The following TBL1Y variants were observed in gnomAD, a reference collection of about 807,000 sequenced individuals.
TBL1Y encodes the protein F-box-like/WD repeat-containing protein TBL1Y.
Under a neutral mutation model 12.0 loss-of-function variants are expected in TBL1Y, and 15 were observed. The observed-to-expected ratio is 1.25, with a 90% CI of 0.83 to 1.92. The LOEUF (loss-of-function observed/expected upper bound fraction) is 1.92. TBL1Y is among the 40% of genes most tolerant of loss of function. The pLI is 0.00. For missense variants in TBL1Y, 148 were observed against 116.7 expected, an observed-to-expected ratio of 1.27 and a Z score of -1.24; for synonymous variants, 53 against 42.6, an observed-to-expected ratio of 1.24 and a Z score of -0.95.
chrY:7,064,643 G>A, intron 8 of TBL1Y, among the ~76,000 whole-genome samples: 1 of 33,683 alleles, frequency 3.0e-5, no homozygotes, highest in African/African-American at 1.2e-4. Flanking sequence ...TGGTAAGTCA[G>A]TGAGTCTGAA....
intron 2 of TBL1Y, among the ~76,000 whole-genome samples, chrY:6,925,683 T>C (rs1461631738): frequency 1.2e-4 from 4 of 33,941 alleles, no homozygotes; most frequent in Non-Finnish European, 2.9e-4. Flanking sequence ...TCCAAAGTGC[T>C]GGGATTACAG....
At chrY:6,993,369 C>CT (rs2012386689) in intron 3 of TBL1Y, among the ~76,000 whole-genome samples, 1 of 29,880 alleles carries the variant, frequency 3.3e-5, no homozygotes, top group African/African-American at 1.3e-4. Flanking sequence ...AGAAGCCCTT[C>CT]TTTTTTAAAA....
At chrY:7,020,668 C>T (rs752565158) in intron 4 of TBL1Y, among the ~76,000 whole-genome samples, 1 of 33,469 alleles carries the variant, frequency 3.0e-5, no homozygotes, top group Admixed American at 2.8e-4. Context: ...TATGAGAAAG[C>T]TGGTAAATAT....
At chrY:6,925,192 A>G (rs2011817875) in intron 2 of TBL1Y, among the ~76,000 whole-genome samples, 1 of 33,794 alleles carries the variant, frequency 3.0e-5, no homozygotes, top group Non-Finnish European at 7.3e-5. Context: ...GCAGTACATG[A>G]CAGAAATTAT....
chrY:6,948,505 G>GA (rs2012000108), intron 2 of TBL1Y, among the ~76,000 whole-genome samples: 11 of 8,289 alleles, frequency 1.3e-3, no homozygotes, highest in South Asian at 3.1e-3. Context: ...CATCTCTACT[G>GA]AAAAAAAAAA....
intron 13 of TBL1Y, among the ~76,000 whole-genome samples, chrY:7,076,364 G>C (rs771961914): frequency 3.0e-5 from 1 of 33,300 alleles, no homozygotes; most frequent in African/African-American, 1.2e-4. Flanking sequence ...TGCATGTTCT[G>C]AATTGCATGA....
intron 2 of TBL1Y, among the ~76,000 whole-genome samples, chrY:6,961,132 C>T (rs764015736): frequency 6.0e-5 from 2 of 33,120 alleles, no homozygotes; most frequent in Admixed American, 2.8e-4. Context: ...AGTGAGTGCC[C>T]GAATTAAGGG....
chrY:6,956,417 C>T (rs570692222), intron 2 of TBL1Y, among the ~76,000 whole-genome samples: 4 of 33,326 alleles, frequency 1.2e-4, no homozygotes, highest in African/African-American at 4.7e-4. Flanking sequence ...TTTCCTTGCT[C>T]TACTGCTGAG....
chrY:6,981,940 G>A lies in TBL1Y; in HGVS notation c.-235+3697G>A, dbSNP rs1569364373. 9.0e-5 allele frequency among the ~76,000 whole-genome samples: 3 copies of A among 33,336 alleles called. No homozygotes were observed. In the East Asian group the frequency reaches 2.3e-3, roughly 26 times the overall value. 89.4% of individuals were successfully genotyped at this position (33,336 alleles called of 37,273 possible). On this transcript the variant is annotated intron_variant, in intron 3 of 18. Transcript: ENST00000383032. ...AAAGAAATGATTACTGCTCAGTAGT[G>A]CCCATTTATAATATTGTGAAAATAC...
intron 2 of TBL1Y, among the ~76,000 whole-genome samples, chrY:6,974,563 T>C: frequency 2.0e-4 from 7 of 34,539 alleles, no homozygotes; most frequent in Admixed American, 1.1e-3. Context: ...GTGTGATTAA[T>C]AGAAACATAT....
At chrY:7,085,126 A>C (rs558470886) in intron 14 of TBL1Y, among the ~76,000 whole-genome samples, 399 of 28,832 alleles carry the variant, frequency 0.014, no homozygotes, top group Admixed American at 0.11. Context: ...CTGGGAGTTC[A>C]AGATCACCTT....
intron 2 of TBL1Y, among the ~76,000 whole-genome samples, chrY:6,945,352 C>T: frequency 2.3e-4 from 7 of 30,268 alleles, no homozygotes; most frequent in African/African-American, 7.9e-4. Flanking sequence ...CTTTGCCACC[C>T]GACCATTTGC....
intron 6 of TBL1Y, among the ~76,000 whole-genome samples, chrY:7,041,528 T>A: frequency 3.0e-5 from 1 of 33,259 alleles, no homozygotes; most frequent in South Asian, 6.9e-4. Context: ...AAGGGTGGGT[T>A]GCTTCATTTG....
At chrY:7,032,246 G>A in intron 6 of TBL1Y, among the ~76,000 whole-genome samples, 1 of 32,775 alleles carries the variant, frequency 3.1e-5, no homozygotes, top group Admixed American at 2.8e-4. Flanking sequence ...GAGCCCGGGT[G>A]TTCAAGGCTG....
chrY:7,069,860 A>G (rs2013010491), intron 8 of TBL1Y, among the ~76,000 whole-genome samples: 1 of 32,534 alleles, frequency 3.1e-5, no homozygotes, highest in Non-Finnish European at 7.5e-5. Context: ...TTTTTGTAGA[A>G]ACGGGGTCCT....
At chrY:7,015,615 T>C (rs2012544556) in intron 4 of TBL1Y, among the ~76,000 whole-genome samples, 1 of 34,032 alleles carries the variant, frequency 2.9e-5, no homozygotes, top group African/African-American at 1.1e-4. Context: ...GAGGTTTTGC[T>C]ACATTGCCCC....
chrY:7,070,113 G>T, intron 8 of TBL1Y, 83 bp from the exon 9 acceptor site: 1 of 294,746 alleles, frequency 3.4e-6, no homozygotes, highest in Non-Finnish European at 5.2e-6. Context: ...TAAAAACAAG[G>T]TGTTTCTGGA....
chrY:7,064,041 G>A lies in TBL1Y; in HGVS notation c.349G>A (p.Ala117Thr). 1.3e-5 allele frequency: 5 copies of A among 398,722 alleles called. No individual in the cohort carries two copies. Among genetic ancestry groups the A allele is most frequent in the Non-Finnish European group, 1.8e-5 (5 of 283,604 alleles). The change falls in exon 8 of 19, where the codon GCA (alanine) becomes ACA (threonine). Residue 117 changes from alanine to threonine, a missense_variant. Coordinates refer to ENST00000383032, the MANE Select transcript of TBL1Y (RefSeq NM_033284.2). ...QASAAATEAS[A>T]MAKAATMTPA... ...CAGTGCAGCAGCCACAGAGGCATCA[G>A]CAATGGCAAAGGCGGCAACCATGAC...
chrY:7,025,052 A>C lies in TBL1Y; in HGVS notation c.-33A>C, dbSNP rs34555473. On this transcript the variant is annotated 5_prime_UTR_variant, in exon 6 of 19. Coordinates refer to ENST00000383032, the MANE Select transcript of TBL1Y (RefSeq NM_033284.2). ...TCAAACAGAGGGTGGTTCCAACTTC[A>C]TCAATACCTCATCGCCATGAGGTGA... 90 of 392,958 alleles carry C rather than the reference A, an allele frequency of 2.3e-4. No individual in the cohort carries two copies. In the African/African-American group the frequency reaches 2.9e-3, roughly 13 times the overall value.
Sources: gnomAD v4.1 joint callset for allele counts (sites outside exome capture counted in the v4.1 genomes callset) on GRCh38, gnomAD v4.1.1 for gene constraint, MANE v1.5 for transcripts, NCBI Gene and HGNC (gene_info 2026-07-23, HGNC 2026-07-21) for gene names.